The following CNTN4 variants were observed in gnomAD, a reference collection of about 807,000 sequenced individuals.
CNTN4 encodes the protein contactin-4.
In CNTN4, 77 loss-of-function variants were observed where a neutral mutation model predicts 122.5. The ratio of observed to expected loss-of-function variants is 0.63; its 90% CI spans 0.52 to 0.76. The LOEUF (loss-of-function observed/expected upper bound fraction) is 0.76, where lower values mean the gene tolerates loss of function less well. Among genes scored for constraint, CNTN4 ranks in the 30% least tolerant of loss-of-function variants. The pLI, the probability that CNTN4 is intolerant of heterozygous loss-of-function variation, is 0.00. For synonymous variants in CNTN4, 512 were observed against 447.0 expected (o/e 1.15, Z -1.83); for missense variants, 1,256 against 1,259.1 (o/e 1.00, Z 0.04).
rs76574829 is a variant in CNTN4, at chr3:2,223,858, C to T, written c.-144-115320C>T. 1.1e-3 allele frequency among the ~76,000 whole-genome samples: 173 copies of T among 152,122 alleles called. 2 individuals carry two copies. In the East Asian group the frequency reaches 0.031, roughly 27 times the overall value. ...TAATTACATATGTAAGTGCAGCCAT[C>T]CCACAAAACGGGGTCCCACAACTTG... On this transcript the variant is annotated intron_variant, in intron 2 of 24. Coordinates refer to ENST00000418658, the MANE Select transcript of CNTN4 (RefSeq NM_175607.3).
At chr3:2,940,430 A>G (rs1577343965) in intron 13 of CNTN4, among the ~76,000 whole-genome samples, 1 of 152,334 alleles carries the variant, frequency 6.6e-6, no homozygotes, top group East Asian at 1.9e-4. Context: ...CTGCATGGTA[A>G]GCAGCCAGAT....
At chr3:2,695,407 C>A (rs1006187235) in intron 4 of CNTN4, among the ~76,000 whole-genome samples, 1 of 152,224 alleles carries the variant, frequency 6.6e-6, no homozygotes, top group South Asian at 2.1e-4. Flanking sequence ...TTACATTACA[C>A]ACCCTACCCC....
At chr3:2,939,803 C>T (rs1388825357) in intron 13 of CNTN4, among the ~76,000 whole-genome samples, 1 of 152,200 alleles carries the variant, frequency 6.6e-6, no homozygotes, top group African/African-American at 2.4e-5. Context: ...ATTTGAAAAG[C>T]TTATCCTGCA....
intron 3 of CNTN4, among the ~76,000 whole-genome samples, chr3:2,555,585 T>C (rs555332054): frequency 5.3e-5 from 8 of 152,236 alleles, no homozygotes; most frequent in African/African-American, 1.4e-4. Flanking sequence ...AGAGAAAGCT[T>C]TTAGCCTGGA....
intron 13 of CNTN4, among the ~76,000 whole-genome samples, chr3:2,967,168 T>C (rs1692405497): frequency 1.3e-5 from 2 of 152,094 alleles, no homozygotes; most frequent in Non-Finnish European, 2.9e-5. Flanking sequence ...GGAGTTCTGA[T>C]TGGTTGAGTT....
chr3:3,046,444 A>T (rs933548427), intron 23 of CNTN4, among the ~76,000 whole-genome samples: 13 of 152,248 alleles, frequency 8.5e-5, no homozygotes, highest in Non-Finnish European at 7.3e-5. Context: ...CAGAAACTCT[A>T]CAAGCCAGAA....
chr3:2,723,107 T>C (rs2087966581), intron 4 of CNTN4, among the ~76,000 whole-genome samples: 1 of 152,210 alleles, frequency 6.6e-6, no homozygotes, highest in Non-Finnish European at 1.5e-5. Flanking sequence ...ACTATATTTC[T>C]AGGTAAAAGT....
intron 2 of CNTN4, among the ~76,000 whole-genome samples, chr3:2,167,148 A>G (rs10510228): frequency 0.11 from 17,203 of 152,210 alleles, 1,413 homozygotes; most frequent in East Asian, 0.33. Context: ...GCATTAGCTT[A>G]AGAAGGATAA....
intron 3 of CNTN4, among the ~76,000 whole-genome samples, chr3:2,442,256 G>A (rs916454326): frequency 6.6e-6 from 1 of 151,938 alleles, no homozygotes. Flanking sequence ...GTTAAATCGA[G>A]GAAGGAATTC....
chr3:2,688,941 C>A (rs1016782112), intron 4 of CNTN4, among the ~76,000 whole-genome samples: 2 of 152,110 alleles, frequency 1.3e-5, no homozygotes, highest in African/African-American at 4.8e-5. Context: ...TGAGGAGATA[C>A]GTCCTTACAG....
Position 2,900,838 on chromosome 3 carries a change from T to G in CNTN4, c.1077+17T>G. On this transcript the variant is annotated intron_variant, in intron 11 of 24. Transcript: ENST00000418658. ...CTAACTCGGGTAAGCAAGTTAATGG[T>G]AATTGTGCCTTAGTCTTGACTATAA... 1 of 1,613,718 alleles carries G rather than the reference T, an allele frequency of 6.2e-7. No homozygotes were observed. Among genetic ancestry groups the G allele is most frequent in the Non-Finnish European group, 8.5e-7 (1 of 1,179,636 alleles).
At chr3:2,572,899 A>G (rs2079488217) in intron 4 of CNTN4, among the ~76,000 whole-genome samples, 1 of 152,232 alleles carries the variant, frequency 6.6e-6, no homozygotes, top group African/African-American at 2.4e-5. Context: ...ACTGACATGT[A>G]TAGATCACTC....
At chr3:2,888,557 A>G (rs1453054352) in intron 10 of CNTN4, among the ~76,000 whole-genome samples, 1 of 152,088 alleles carries the variant, frequency 6.6e-6, no homozygotes, top group Non-Finnish European at 1.5e-5. Context: ...GCCATTTTTC[A>G]TACCCGGAAC....
chr3:2,663,448 T>C (rs1366714883), intron 4 of CNTN4, among the ~76,000 whole-genome samples: 2 of 152,100 alleles, frequency 1.3e-5, no homozygotes, highest in East Asian at 3.9e-4. Flanking sequence ...ATTGTTCTGA[T>C]TTATTAAAAA....
intron 4 of CNTN4, among the ~76,000 whole-genome samples, chr3:2,620,394 G>C (rs2081947707): frequency 6.6e-6 from 1 of 152,128 alleles, no homozygotes; most frequent in African/African-American, 2.4e-5. Context: ...CAGCTACATG[G>C]GAGGCTAAGG....
At chr3:2,632,096 G>A (rs1230333583) in intron 4 of CNTN4, among the ~76,000 whole-genome samples, 2 of 148,200 alleles carry the variant, frequency 1.3e-5, no homozygotes, top group East Asian at 3.9e-4. Context: ...GTGTGTGTAT[G>A]TATGTATGTA....
chr3:3,021,668 C>T lies in CNTN4; in HGVS notation c.1487-4434C>T, dbSNP rs907918596. On this transcript the variant is annotated intron_variant, in intron 14 of 24. Transcript: ENST00000418658. ...GATAGGCACCAAGTGAATATCTTGG[C>T]ACTGTAAATGAAAGATAAATTATAC... 2.6e-5 allele frequency among the ~76,000 whole-genome samples: 4 copies of T among 152,246 alleles called. No homozygotes were observed. The East Asian group carries it at 7.7e-4, about 29-fold the overall frequency.
chr3:2,581,646 T>G (rs1166824128), intron 4 of CNTN4, among the ~76,000 whole-genome samples: 2 of 152,124 alleles, frequency 1.3e-5, no homozygotes, highest in Admixed American at 1.3e-4. Context: ...TCTTGTAAAG[T>G]TTTTCCAGAG....
chr3:2,622,522 C>A (rs1018939920), intron 4 of CNTN4, among the ~76,000 whole-genome samples: 1 of 152,160 alleles, frequency 6.6e-6, no homozygotes, highest in South Asian at 2.1e-4. Context: ...CCTCAGCCCA[C>A]CTCGGCCTCC....
Sources: allele counts gnomAD v4.1 joint callset (sites outside exome capture counted in the v4.1 genomes callset), GRCh38; gene constraint gnomAD v4.1.1; transcripts MANE v1.5; gene names NCBI Gene and HGNC (gene_info 2026-07-23, HGNC 2026-07-21).